Variants in SEC24A observed in about 807,000 individuals in gnomAD.
SEC24A encodes SEC24 homolog A, COPII component, also known as protein transport protein Sec24A.
Under a neutral mutation model 129.4 loss-of-function variants are expected in SEC24A, and 93 were observed. The ratio of observed to expected loss-of-function variants is 0.72; its 90% CI spans 0.61 to 0.85. The LOEUF is 0.85. SEC24A is among the 40% of genes least tolerant of loss of function. SEC24A has a pLI of 0.00. For missense variants in SEC24A, 1,264 were observed against 1,307.4 expected (o/e 0.97, Z 0.51); for synonymous variants, 460 against 467.3 (o/e 0.98, Z 0.20).
At chr5:134,702,690 A>C (rs939552440) in intron 15 of SEC24A, among the ~76,000 whole-genome samples, 1 of 152,164 alleles carries the variant, frequency 6.6e-6, no homozygotes, top group Non-Finnish European at 1.5e-5. Flanking sequence ...CATCACATTA[A>C]TTTAAACTTC....
chr5:134,704,662 G>A (rs1309225238), intron 16 of SEC24A, among the ~76,000 whole-genome samples: 2 of 151,850 alleles, frequency 1.3e-5, no homozygotes, highest in African/African-American at 4.8e-5. Flanking sequence ...AATTAGCCAG[G>A]TATAGTGGCA....
chr5:134,718,013 C>T (rs1580741897), intron 19 of SEC24A, 56 bp from the exon 20 acceptor site: 6 of 1,337,882 alleles, frequency 4.5e-6, no homozygotes, highest in Non-Finnish European at 6.4e-6. Context: ...TGTTGTTTAA[C>T]TGTGACTCCA....
intron 1 of SEC24A, among the ~76,000 whole-genome samples, chr5:134,655,652 A>G (rs1244819201): frequency 6.6e-6 from 1 of 152,150 alleles, no homozygotes; most frequent in Non-Finnish European, 1.5e-5. Context: ...TGGGCGACAG[A>G]GCAAGAATTC....
chr5:134,652,260 C>T (rs1184687653), intron 1 of SEC24A, among the ~76,000 whole-genome samples: 1 of 151,490 alleles, frequency 6.6e-6, no homozygotes, highest in Non-Finnish European at 1.5e-5. Flanking sequence ...GCTTAAATTA[C>T]ATATTACAGT....
intron 9 of SEC24A, among the ~76,000 whole-genome samples, chr5:134,683,614 A>G (rs956606109): frequency 2.0e-5 from 3 of 152,110 alleles, no homozygotes; most frequent in Non-Finnish European, 2.9e-5. Flanking sequence ...CATGGGCTCA[A>G]GCAATTCTCC....
intron 3 of SEC24A, among the ~76,000 whole-genome samples, chr5:134,670,199 A>G (rs180694386): frequency 6.6e-6 from 1 of 152,358 alleles, no homozygotes; most frequent in East Asian, 1.9e-4. Flanking sequence ...TGCTGGGATT[A>G]CAGGTGTAAG....
chr5:134,705,718 A>G (rs1206099385), intron 17 of SEC24A, among the ~76,000 whole-genome samples: 1 of 152,142 alleles, frequency 6.6e-6, no homozygotes, highest in African/African-American at 2.4e-5. Flanking sequence ...TTGTACAGCT[A>G]TCACCACAAT....
In SEC24A at chr5:134,686,683, C is replaced by T. The variant is rs983010821; in HGVS notation, c.1492-107C>T. 4 of 581,936 alleles carry T rather than the reference C, an allele frequency of 6.9e-6. No individual in the cohort carries two copies. The African/African-American group carries it at 7.7e-5, about 11-fold the overall frequency. The allele number at this position is 581,936 out of a possible 1,614,324, so 36.0% of individuals were successfully genotyped here. A position where few individuals can be genotyped will look rare whatever the true frequency, so the allele number is the denominator to read the frequency against. ...TTGCCTGTTTATTATAATCTCTACT[C>T]AATCTGTAAATAATGCTTTTTAAAT... is the stretch of plus-strand genomic sequence containing the variant. On this transcript the variant is annotated intron_variant, in intron 9 of 22. Transcript: ENST00000398844.
intron 10 of SEC24A, among the ~76,000 whole-genome samples, chr5:134,687,924 G>A (rs1245583088): frequency 1.3e-5 from 2 of 151,986 alleles, no homozygotes; most frequent in South Asian, 2.1e-4. Flanking sequence ...ATTATATGTA[G>A]CTTTACATAG....
In SEC24A at chr5:134,666,916, C is replaced by A. The variant is rs202213247; in HGVS notation, c.659C>A (p.Pro220Gln). 2.0e-4 allele frequency: 330 copies of A among 1,610,632 alleles called. No homozygotes were observed. The African/African-American group carries it at 3.8e-3, about 19-fold the overall frequency. The change falls in exon 3 of 23, where the codon CCA becomes CAA. Residue 220 changes from proline to glutamine, a missense_variant. By Grantham distance (76) the Pro-to-Gln change is moderately conservative. Transcript: ENST00000398844. ...HGPPPAGGPP[P>Q]VRALTPLTSS... Reference sequence around the variant, plus strand: ...CCCCCTCCAGCTGGAGGCCCACCCCCAGTGAGGGCCCTCACGCCCCTGACA... The same window carrying A: ...CCCCCTCCAGCTGGAGGCCCACCCCAAGTGAGGGCCCTCACGCCCCTGACA...
intron 2 of SEC24A, among the ~76,000 whole-genome samples, chr5:134,661,821 CTTT>C (rs70976551): frequency 1.5e-4 from 12 of 77,818 alleles, no homozygotes; most frequent in Non-Finnish European, 2.6e-4. Context: ...TCTTTTTTCT[CTTT>C]TTTTTTTTTT....
At chr5:134,680,932 T>G (rs941820624) in intron 8 of SEC24A, among the ~76,000 whole-genome samples, 37 of 151,848 alleles carry the variant, frequency 2.4e-4, no homozygotes, top group African/African-American at 8.7e-4. Context: ...AACCCCATCT[T>G]TACTAAAAAT....
chr5:134,654,537 CT>C (rs1750175361), intron 1 of SEC24A, among the ~76,000 whole-genome samples: 1 of 151,612 alleles, frequency 6.6e-6, no homozygotes, highest in African/African-American at 2.4e-5. Flanking sequence ...TTTTCTAAGT[CT>C]TTGTGTATAC....
chr5:134,653,030 C>A (rs1750118974), intron 1 of SEC24A, among the ~76,000 whole-genome samples: 1 of 150,956 alleles, frequency 6.6e-6, no homozygotes, highest in South Asian at 2.1e-4. Context: ...TGGTCTCAAT[C>A]TCCTGACCTC....
chr5:134,669,000 A>G (rs1351032559), intron 3 of SEC24A, among the ~76,000 whole-genome samples: 2 of 149,408 alleles, frequency 1.3e-5, no homozygotes, highest in Non-Finnish European at 1.5e-5. Context: ...TGAACCCGAG[A>G]GGTGGAGGTT....
At chr5:134,676,750 A>T (rs557733603) in intron 7 of SEC24A, among the ~76,000 whole-genome samples, 4 of 152,140 alleles carry the variant, frequency 2.6e-5, no homozygotes, top group Non-Finnish European at 5.9e-5. Flanking sequence ...TAGTGAAGGT[A>T]AATGTCTTTT....
chr5:134,668,682 C>T (rs1750750452), intron 3 of SEC24A, among the ~76,000 whole-genome samples: 1 of 151,828 alleles, frequency 6.6e-6, no homozygotes, highest in Non-Finnish European at 1.5e-5. Flanking sequence ...GCCAAGATGG[C>T]ATGATCGCAC....
At chr5:134,684,260 G>A (rs1444318331) in intron 9 of SEC24A, among the ~76,000 whole-genome samples, 2 of 144,396 alleles carry the variant, frequency 1.4e-5, no homozygotes, top group Non-Finnish European at 3.0e-5. Flanking sequence ...CCAAGGTTGC[G>A]CCACCACACC....
rs1204923475 is a variant in SEC24A at position 134,686,776 on chromosome 5, CT to C, written c.1492-7del. The C allele has an allele frequency of 5.3e-6, 8 of 1,502,838 alleles. No homozygotes were observed. Among genetic ancestry groups the C allele is most frequent in the Middle Eastern group, 1.7e-4 (1 of 5,802 alleles). 93.1% of individuals were successfully genotyped at this position (1,502,838 alleles called of 1,614,324 possible). ...TCCTGTTAAATGTACTTAACAAGAT[CT>C]TTTTTTCTTCAGTTACGACCACCTC... On this transcript the variant is annotated splice_polypyrimidine_tract_variant and intron_variant, in intron 9 of 22. Coordinates refer to ENST00000398844, the MANE Select transcript of SEC24A (RefSeq NM_021982.3).
Sources: allele counts gnomAD v4.1 joint callset (sites outside exome capture counted in the v4.1 genomes callset), GRCh38; gene constraint gnomAD v4.1.1; transcripts MANE v1.5; gene names NCBI Gene and HGNC (gene_info 2026-07-23, HGNC 2026-07-21).